The following MAGED1 variants were observed in gnomAD, a reference collection of about 807,000 sequenced individuals.
MAGED1 encodes the protein MAGE family member D1.
A neutral mutation model predicts 54.1 loss-of-function variants in MAGED1; 3 were observed. That is an observed-to-expected ratio of 0.06 (90% confidence interval 0.03 to 0.14). The LOEUF is 0.14. MAGED1 is among the 10% of genes least tolerant of loss of function. The pLI is 1.00. For synonymous variants in MAGED1, 217 were observed against 227.3 expected (o/e 0.95, Z 0.41); for missense variants, 485 against 623.4 (o/e 0.78, Z 2.36).
chrX:51,894,911 A>G (rs1343616811), intron 2 of MAGED1, 142 bp from the exon 3 acceptor site: 7 of 907,619 alleles, frequency 7.7e-6, no homozygotes, highest in Non-Finnish European at 1.0e-5. Context: ...GGCCCCCTAG[A>G]TCTCTGCCTC....
At chrX:51,831,455 A>G (rs1455460797) in intron 1 of MAGED1, among the ~76,000 whole-genome samples, 1 of 110,763 alleles carries the variant, frequency 9.0e-6, no homozygotes, top group Non-Finnish European at 1.9e-5. Flanking sequence ...CTACAAAAAA[A>G]TAAAAGAATT....
chrX:51,836,576 T>G (rs1926260548), intron 1 of MAGED1, among the ~76,000 whole-genome samples: 1 of 108,438 alleles, frequency 9.2e-6, no homozygotes, highest in Admixed American at 9.9e-5. Context: ...GTACTCTGTT[T>G]TTTTTTTTTT....
At chrX:51,852,227 C>T (rs1926922587) in intron 1 of MAGED1, among the ~76,000 whole-genome samples, 1 of 111,861 alleles carries the variant, frequency 8.9e-6, no homozygotes, top group African/African-American at 3.3e-5. Flanking sequence ...TCTCCTCTGA[C>T]TCTGATCCTC....
chrX:51,849,608 A>G (rs1557359572), intron 1 of MAGED1, among the ~76,000 whole-genome samples: 1 of 111,681 alleles, frequency 9.0e-6, no homozygotes, highest in African/African-American at 3.3e-5. Context: ...TATTGCTCTC[A>G]TGAATATTTC....
intron 1 of MAGED1, among the ~76,000 whole-genome samples, chrX:51,870,217 A>G (rs1240528103): frequency 8.9e-6 from 1 of 111,854 alleles, no homozygotes; most frequent in Admixed American, 9.4e-5. Context: ...TGTATTTTGT[A>G]TTCTATAATT....
At chrX:51,853,914 G>A (rs1926984904) in intron 1 of MAGED1, among the ~76,000 whole-genome samples, 1 of 111,958 alleles carries the variant, frequency 8.9e-6, no homozygotes, top group Non-Finnish European at 1.9e-5. Flanking sequence ...CACATCTGAT[G>A]CTCAGAAAAG....
chrX:51,891,734 G>C (rs1219424920), upstream of MAGED1, among the ~76,000 whole-genome samples: 1 of 112,169 alleles, frequency 8.9e-6, no homozygotes, highest in East Asian at 2.8e-4. Context: ...GAATCGGTTT[G>C]GGACCTGTTA....
intron 1 of MAGED1, among the ~76,000 whole-genome samples, chrX:51,884,254 C>T (rs538368137): frequency 1.8e-5 from 2 of 110,869 alleles, no homozygotes; most frequent in South Asian, 7.8e-4. Flanking sequence ...AATCTTGAAA[C>T]CCACCAGAGC....
chrX:51,826,444 A>G (rs1422929807), intron 1 of MAGED1, among the ~76,000 whole-genome samples: 1 of 111,921 alleles, frequency 8.9e-6, no homozygotes, highest in Non-Finnish European at 1.9e-5. Context: ...TATTTTGCAC[A>G]TGGATTCCAG....
chrX:51,867,363 C>T (rs920022156), intron 1 of MAGED1, among the ~76,000 whole-genome samples: 6 of 111,874 alleles, frequency 5.4e-5, no homozygotes, highest in Admixed American at 9.5e-5. Flanking sequence ...TTAACTTACA[C>T]GATCACAAGG....
intron 1 of MAGED1, among the ~76,000 whole-genome samples, chrX:51,811,045 A>G (rs1296421680): frequency 8.9e-6 from 1 of 112,155 alleles, no homozygotes; most frequent in Non-Finnish European, 1.9e-5. Context: ...CTTGGACCTG[A>G]TCATATTTTT....
At position 51,864,658 on chromosome X, in the gene MAGED1, C is replaced by T. The variant is rs782756369; in HGVS notation, c.-36-29611C>T. ...TTATTGTTTTGTAGTTTTCAGTGTA[C>T]AGATCTTTTACCTCCTTGGTTAAAT... On this transcript the variant is annotated intron_variant, in intron 1 of 12. Transcript: ENST00000375772. Among the ~76,000 whole-genome samples, 8 of 111,509 alleles carry T rather than the reference C, an allele frequency of 7.2e-5. No homozygotes were observed. The South Asian group carries it at 2.6e-3, about 37-fold the overall frequency.
At chrX:51,894,178 C>G in intron 1 of MAGED1, 91 bp from the exon 2 acceptor site, 2 of 509,814 alleles carry the variant, frequency 3.9e-6, no homozygotes, top group South Asian at 5.9e-5. Flanking sequence ...TCACCTTATC[C>G]GCCCGCACAG....
chrX:51,902,117 T>C (rs1371842265), intron 12 of MAGED1, 29 bp from the exon 13 acceptor site: 9 of 389,847 alleles, frequency 2.3e-5, no homozygotes, highest in Admixed American at 5.1e-5. Context: ...ATCATTGATT[T>C]TTTTACTTCT....
chrX:51,810,632 A>G (rs1925186584), intron 1 of MAGED1, among the ~76,000 whole-genome samples: 1 of 111,806 alleles, frequency 8.9e-6, no homozygotes. Flanking sequence ...AGTGAACAGT[A>G]CTGTGTTCAT....
chrX:51,895,496 C>A lies in MAGED1; in HGVS notation c.489C>A (p.Phe163Leu). The change falls in exon 3 of 13, where the codon TTC becomes TTA. Residue 163 changes from phenylalanine to leucine, a missense_variant. Physicochemically the swap from Phe to Leu is conservative, Grantham distance 22. This residue lies in a region of MAGED1 where 299 missense variants were observed against 293.1 expected (regional missense o/e 1.02). Coordinates refer to ENST00000326587, the MANE Select transcript of MAGED1 (RefSeq NM_006986.4). ...TKVGPNATYN[F>L]SQSLNANDLA... ...TGGGCCCAAATGCCACCTACAATTT[C>A]TCTCAGTCTCTCAATGCCAATGACC... 8.3e-7 allele frequency: 1 copy of A among 1,210,023 alleles called. No individual in the cohort carries two copies. The highest frequency in any genetic ancestry group is 1.1e-6 in the Non-Finnish European group (1 of 894,695).
At chrX:51,845,620 C>A (rs1459982201) in intron 1 of MAGED1, among the ~76,000 whole-genome samples, 1 of 111,444 alleles carries the variant, frequency 9.0e-6, no homozygotes, top group Non-Finnish European at 1.9e-5. Flanking sequence ...AGAGCCTCAC[C>A]CATACCTAAA....
chrX:51,852,071 G>T (rs1402754775), intron 1 of MAGED1, among the ~76,000 whole-genome samples: 2 of 111,678 alleles, frequency 1.8e-5, no homozygotes, highest in African/African-American at 6.5e-5. Context: ...TTCCCTTAGG[G>T]ACCGCTAGAA....
chrX:51,823,566 T>A (rs1602214724), intron 1 of MAGED1, among the ~76,000 whole-genome samples: 3 of 111,786 alleles, frequency 2.7e-5, no homozygotes. Flanking sequence ...GCCATAACTT[T>A]TTTTGTCGAT....
Sources: allele counts gnomAD v4.1 joint callset (sites outside exome capture counted in the v4.1 genomes callset), GRCh38; gene constraint gnomAD v4.1.1; regional missense constraint gnomAD v4.1.1; transcripts MANE v1.5; gene names NCBI Gene and HGNC (gene_info 2026-07-23, HGNC 2026-07-21).